The following FBXO47 variants were observed in gnomAD, a reference collection of about 807,000 sequenced individuals.
FBXO47 encodes the protein F-box protein 47.
In FBXO47, 34 loss-of-function variants were observed where a neutral mutation model predicts 53.9. The ratio of observed to expected loss-of-function variants is 0.63; its 90% CI spans 0.48 to 0.84. The LOEUF is 0.84. Among genes scored for constraint, FBXO47 ranks in the 40% least tolerant of loss-of-function variants. The probability of loss-of-function intolerance (pLI) is 0.00; values close to 1 mark genes in which losing one functional copy is unlikely to be tolerated. For synonymous variants in FBXO47, 165 were observed against 181.6 expected (o/e 0.91, Z 0.73); for missense variants, 485 against 541.3 (o/e 0.90, Z 1.03).
At chr17:38,961,599 T>A (rs897199377) in intron 3 of FBXO47, among the ~76,000 whole-genome samples, 1 of 152,178 alleles carries the variant, frequency 6.6e-6, no homozygotes, top group African/African-American at 2.4e-5. Flanking sequence ...AGAAAATACA[T>A]CAATTTCCTA....
chr17:38,938,811 T>C (rs1391763755), intron 9 of FBXO47, 79 bp from the exon 10 acceptor site: 1 of 1,149,610 alleles, frequency 8.7e-7, no homozygotes, highest in Non-Finnish European at 1.2e-6. Flanking sequence ...CAATGATGAA[T>C]AATTATAGTT....
Position 38,947,111 on chromosome 17 carries a change from T to C in FBXO47, c.617-1975A>G, listed in dbSNP as rs1157418035. 9.2e-5 allele frequency among the ~76,000 whole-genome samples: 13 copies of C among 141,016 alleles called. No homozygotes were observed. In the South Asian group the frequency reaches 1.7e-3, roughly 19 times the overall value. 92.5% of individuals were successfully genotyped at this position (141,016 alleles called of 152,430 possible). A position where few individuals can be genotyped will look rare whatever the true frequency, so the allele number is the denominator to read the frequency against. On this transcript the variant is annotated intron_variant, in intron 6 of 10. Transcript: ENST00000378079. ...ATATATAAACATATATATAAACATA[T>C]ATATATAAACATATATATAAATATA... is the stretch of plus-strand genomic sequence containing the variant.
intron 6 of FBXO47, among the ~76,000 whole-genome samples, chr17:38,949,518 C>T (rs1023946116): frequency 6.6e-6 from 1 of 152,116 alleles, no homozygotes; most frequent in African/African-American, 2.4e-5. Context: ...GTTTTCATTT[C>T]TCCTGGGGCT....
intron 7 of FBXO47, 112 bp downstream of exon 7, chr17:38,944,848 A>ATGTGTATGTGTGTG (rs1904675551): frequency 1.8e-6 from 1 of 553,650 alleles, no homozygotes; most frequent in African/African-American, 2.0e-5. Flanking sequence ...GCGTGCATGC[A>ATGTGTATGTGTGTG]TGTGTGTGTG....
chr17:38,946,871 AAC>A (rs375304963), intron 6 of FBXO47, among the ~76,000 whole-genome samples: 1 of 114,352 alleles, frequency 8.7e-6, no homozygotes, highest in African/African-American at 3.7e-5. Flanking sequence ...TAAATATATA[AAC>A]ATATATATAA....
chr17:38,951,817 A>C, intron 5 of FBXO47, 128 bp from the exon 6 acceptor site: 1 of 598,374 alleles, frequency 1.7e-6, no homozygotes, highest in Non-Finnish European at 2.9e-6. Flanking sequence ...GATCACCTGC[A>C]GTCAGGAGTT....
intron 8 of FBXO47, 109 bp from the exon 9 acceptor site, chr17:38,943,029 C>A: frequency 3.0e-6 from 3 of 1,000,990 alleles, no homozygotes; most frequent in South Asian, 1.8e-5. Context: ...CAATTAGTGC[C>A]AAGGGAAATG....
At chr17:38,956,230 T>C (rs1158594658) in intron 4 of FBXO47, among the ~76,000 whole-genome samples, 1 of 152,036 alleles carries the variant, frequency 6.6e-6, no homozygotes, top group African/African-American at 2.4e-5. Context: ...ATGAATTGGA[T>C]GACAGAAAGG....
In FBXO47 at chr17:38,940,728, T is replaced by G. The variant is rs78289260; in HGVS notation, c.1084-1996A>C. Among the ~76,000 whole-genome samples, 462 of 152,082 alleles carry G rather than the reference T, an allele frequency of 3.0e-3. 10 individuals are homozygous for G. Among genetic ancestry groups the G allele is most frequent in the African/African-American group, 0.011 (446 of 41,364 alleles). ...TCTCCCTCTGCTATGCAGACTGAAG[T>G]GCAGTGGCGTGACCATAGCTCACTG... is the stretch of plus-strand genomic sequence containing the variant. On this transcript the variant is annotated intron_variant, in intron 9 of 10. Coordinates refer to ENST00000378079, the MANE Select transcript of FBXO47 (RefSeq NM_001008777.3).
chr17:38,960,692 C>T (rs1905778930), intron 3 of FBXO47, among the ~76,000 whole-genome samples: 2 of 142,418 alleles, frequency 1.4e-5, no homozygotes, highest in South Asian at 4.4e-4. Flanking sequence ...AGTGCAGTGG[C>T]GTGACCTCGG....
In FBXO47 at chr17:38,962,005, C is replaced by T. The variant is rs755748378; in HGVS notation, c.224G>A (p.Ser75Asn). 1 of 1,613,802 alleles carries T rather than the reference C, an allele frequency of 6.2e-7. No homozygotes were observed. The highest frequency in any genetic ancestry group is 2.2e-5 in the East Asian group (1 of 44,860). ...TGAGATATAATTAATAATGTGTTGG[C>T]TGACTGTTTTGGACACCATGCTTAG... ...SMLSMVSKTVSQHIINYISTS... is the reference protein window; with the variant it reads ...SMLSMVSKTVNQHIINYISTS... Residue 75 changes from serine (S) to asparagine (N), a missense_variant, in exon 3 of 11, where the codon AGC becomes AAC. Coordinates refer to ENST00000378079, the MANE Select transcript of FBXO47 (RefSeq NM_001008777.3).
chr17:38,962,483 C>T (rs751825354), intron 2 of FBXO47, among the ~76,000 whole-genome samples: 4 of 151,708 alleles, frequency 2.6e-5, no homozygotes, highest in Admixed American at 1.3e-4. Flanking sequence ...GGCATGGTGG[C>T]GCATGCCAGC....
chr17:38,955,317 G>A (rs1259259156), intron 4 of FBXO47, among the ~76,000 whole-genome samples: 6 of 151,416 alleles, frequency 4.0e-5, no homozygotes, highest in Non-Finnish European at 8.8e-5. Flanking sequence ...GAACCCAGGA[G>A]GCGGAGCTGG....
chr17:38,964,462 A>C (rs1354941795), intron 1 of FBXO47, among the ~76,000 whole-genome samples: 1 of 152,024 alleles, frequency 6.6e-6, no homozygotes, highest in Non-Finnish European at 1.5e-5. Flanking sequence ...CAGGGATGGC[A>C]GTGTGCACCT....
chr17:38,963,007 T>C lies in FBXO47; in HGVS notation c.19A>G (p.Thr7Ala). 6.2e-7 allele frequency: 1 copy of C among 1,612,478 alleles called. No homozygotes were observed. Reference protein sequence around the residue: MASRINTNFTLIPNQKL... With the variant: MASRINANFTLIPNQKL... ...TGGTTGGGAATCAAAGTGAAATTTG[T>C]ATTTATTCTGGATGCCATTCTTCTT... is the stretch of plus-strand genomic sequence containing the variant. Residue 7 changes from threonine (T) to alanine (A), a missense_variant, in exon 2 of 11, where the codon ACA becomes GCA. Thr to Ala is a moderately conservative substitution (Grantham distance 58, BLOSUM62 0). Coordinates refer to ENST00000378079, the MANE Select transcript of FBXO47 (RefSeq NM_001008777.3).
At chr17:38,952,889 G>C (rs1027977565) in intron 5 of FBXO47, among the ~76,000 whole-genome samples, 1 of 145,452 alleles carries the variant, frequency 6.9e-6, no homozygotes, top group African/African-American at 2.6e-5. Context: ...CCTGACCTCA[G>C]GTGATCGGCC....
At chr17:38,946,135 T>A (rs1340546806) in intron 6 of FBXO47, among the ~76,000 whole-genome samples, 38 of 114,022 alleles carry the variant, frequency 3.3e-4, no homozygotes, top group African/African-American at 1.2e-3. Flanking sequence ...TATATACATA[T>A]ATAAATATAT....
intron 9 of FBXO47, among the ~76,000 whole-genome samples, chr17:38,941,642 A>ATATATATATG (rs924192946): frequency 5.7e-4 from 82 of 144,212 alleles, no homozygotes; most frequent in African/African-American, 2.0e-3. Flanking sequence ...ATATATATAT[A>ATATATATATG]TATGTATGTG....
intron 6 of FBXO47, among the ~76,000 whole-genome samples, chr17:38,947,504 C>T (rs553180508): frequency 6.6e-6 from 1 of 152,120 alleles, no homozygotes; most frequent in African/African-American, 2.4e-5. Flanking sequence ...ACAGAGGTCT[C>T]ACTATATTGC....
Sources: allele counts gnomAD v4.1 joint callset (sites outside exome capture counted in the v4.1 genomes callset), GRCh38; gene constraint gnomAD v4.1.1; transcripts MANE v1.5; gene names NCBI Gene and HGNC (gene_info 2026-07-23, HGNC 2026-07-21).